The following BCAT1 variants were observed in gnomAD, a reference collection of about 807,000 sequenced individuals.
BCAT1 encodes the protein branched-chain-amino-acid aminotransferase, cytosolic.
In BCAT1, 48 loss-of-function variants were observed where a neutral mutation model predicts 52.4. The observed-to-expected ratio is 0.92, with a 90% CI of 0.73 to 1.16. The LOEUF (loss-of-function observed/expected upper bound fraction) is 1.16, where lower values mean the gene tolerates loss of function less well. Among genes scored for constraint, BCAT1 ranks in the 50% most tolerant of loss-of-function variants. The probability of loss-of-function intolerance (pLI) is 0.00; values close to 1 mark genes in which losing one functional copy is unlikely to be tolerated. For synonymous variants in BCAT1, 167 were observed against 161.3 expected (o/e 1.04, Z -0.27); for missense variants, 451 against 457.1 (o/e 0.99, Z 0.12).
chr12:24,855,051 T>C (rs565488653), intron 5 of BCAT1, among the ~76,000 whole-genome samples: 1 of 152,250 alleles, frequency 6.6e-6, no homozygotes, highest in South Asian at 2.1e-4. Context: ...GTCATCCTGC[T>C]AGCCTTGAGA....
intron 6 of BCAT1, among the ~76,000 whole-genome samples, chr12:24,845,752 G>GT (rs1426278106): frequency 6.6e-6 from 1 of 152,146 alleles, no homozygotes; most frequent in Non-Finnish European, 1.5e-5. Flanking sequence ...ATGAAATTAA[G>GT]TTTTTTAAAA....
intron 1 of BCAT1, chr12:24,945,941 C>T (rs1005409962): frequency 6.6e-6 from 1 of 152,216 alleles, no homozygotes; most frequent in African/African-American, 2.4e-5. Context: ...ACCAAACCTT[C>T]CTGAGCATAA....
intron 5 of BCAT1, among the ~76,000 whole-genome samples, chr12:24,863,033 T>A (rs1941894131): frequency 6.6e-6 from 1 of 152,214 alleles, no homozygotes; most frequent in African/African-American, 2.4e-5. Context: ...AAATCCAGGT[T>A]TATTTGCCAG....
chr12:24,903,299 G>T, intron 1 of BCAT1: 1 of 370,990 alleles, frequency 2.7e-6, no homozygotes, highest in Non-Finnish European at 4.6e-6. Context: ...CTTTCCAAGC[G>T]CAGATATTTC....
rs149670891 is a variant in BCAT1, at chr12:24,817,425, C to T, written c.*583G>A. The T allele has an allele frequency of 6.5e-6, 1 of 153,496 alleles. No homozygotes were observed. The highest frequency in any genetic ancestry group is 1.9e-4 in the East Asian group (1 of 5,200). The allele number at this position is 153,496 out of a possible 1,614,324, so 9.5% of individuals were successfully genotyped here. On this transcript the variant is annotated 3_prime_UTR_variant, in exon 11 of 11. Coordinates refer to ENST00000261192, the MANE Select transcript of BCAT1 (RefSeq NM_005504.7). ...ATGGTGGGAAATGCACTCAGGTCTT[C>T]CTAATGCACAGAGTATGCTCAGGCT... is the stretch of plus-strand genomic sequence containing the variant.
intron 1 of BCAT1, among the ~76,000 whole-genome samples, chr12:24,908,082 A>G (rs1422178920): frequency 6.6e-6 from 1 of 152,200 alleles, no homozygotes; most frequent in African/African-American, 2.4e-5. Flanking sequence ...TAACTGCCAA[A>G]GTTTAGAATA....
intron 1 of BCAT1, among the ~76,000 whole-genome samples, chr12:24,908,257 T>C (rs1226179227): frequency 1.3e-5 from 2 of 152,202 alleles, no homozygotes; most frequent in Non-Finnish European, 1.5e-5. Context: ...AAGGACTTTA[T>C]ATGCATTGTG....
intron 1 of BCAT1, among the ~76,000 whole-genome samples, chr12:24,913,580 G>C (rs1473395130): frequency 6.6e-6 from 1 of 152,186 alleles, no homozygotes; most frequent in Non-Finnish European, 1.5e-5. Context: ...CCATGAGCTG[G>C]GGATGACTCA....
chr12:24,853,688 C>T (rs1044409674), intron 5 of BCAT1, among the ~76,000 whole-genome samples: 4 of 151,990 alleles, frequency 2.6e-5, no homozygotes, highest in East Asian at 1.9e-4. Context: ...CAAAATCCCA[C>T]GATGATAAGT....
intron 6 of BCAT1, among the ~76,000 whole-genome samples, chr12:24,847,631 G>A (rs1941387239): frequency 6.6e-6 from 1 of 152,164 alleles, no homozygotes; most frequent in Non-Finnish European, 1.5e-5. Context: ...GAGAGAGAGA[G>A]TGACAGAAAG....
At chr12:24,915,773 G>A (rs182429711) in intron 1 of BCAT1, among the ~76,000 whole-genome samples, 2 of 152,294 alleles carry the variant, frequency 1.3e-5, no homozygotes, top group East Asian at 1.9e-4. Context: ...TAAAACAGAC[G>A]ATATTTAAAT....
At chr12:24,870,187 C>T (rs1667212185) in intron 5 of BCAT1, among the ~76,000 whole-genome samples, 1 of 151,906 alleles carries the variant, frequency 6.6e-6, no homozygotes, top group African/African-American at 2.4e-5. Context: ...AATTTCTCTG[C>T]CAAAATGAAA....
At position 24,834,197 on chromosome 12, in the gene BCAT1, T is replaced by C. The variant is rs1940824189; in HGVS notation, c.904-1334A>G. 4 of 977,408 alleles carry C rather than the reference T, an allele frequency of 4.1e-6. No individual in the cohort carries two copies. In the African/African-American group the frequency reaches 7.0e-5, roughly 17 times the overall value. 60.5% of individuals were successfully genotyped at this position (977,408 alleles called of 1,614,324 possible). A position where few individuals can be genotyped will look rare whatever the true frequency, so the allele number is the denominator to read the frequency against. On this transcript the variant is annotated intron_variant, in intron 8 of 10. Transcript: ENST00000261192. The stretch of plus-strand genomic sequence containing the variant: ...TGAAATACTCATTATTTTTAAACGT[T>C]GAATGTATATTTGGACTTTATTTGA...
At chr12:24,845,810 G>T (rs886211765) in intron 6 of BCAT1, among the ~76,000 whole-genome samples, 7 of 152,126 alleles carry the variant, frequency 4.6e-5, no homozygotes, top group African/African-American at 1.7e-4. Context: ...TAATCCCAGT[G>T]ACTCAGGACA....
intron 1 of BCAT1, among the ~76,000 whole-genome samples, chr12:24,942,141 T>C (rs1467886712): frequency 6.6e-6 from 1 of 152,048 alleles, no homozygotes; most frequent in Non-Finnish European, 1.5e-5. Flanking sequence ...CGAGAAGTAA[T>C]GAGAGCATAA....
At chr12:24,881,255 C>A (rs1347202379) in intron 4 of BCAT1, 46 bp downstream of exon 4, 2 of 1,367,428 alleles carry the variant, frequency 1.5e-6, no homozygotes, top group Non-Finnish European at 2.1e-6. Flanking sequence ...ACACCGTGAC[C>A]CGTTACATTA....
chr12:24,842,312 T>A, intron 6 of BCAT1, 88 bp from the exon 7 acceptor site: 3 of 1,438,960 alleles, frequency 2.1e-6, no homozygotes, highest in Non-Finnish European at 2.9e-6. Flanking sequence ...AAGCTCTTAA[T>A]TCACATGTGG....
chr12:24,916,513 C>CT (rs36067986), intron 1 of BCAT1, among the ~76,000 whole-genome samples: 98,346 of 151,960 alleles, frequency 0.65, 36,105 homozygotes, highest in Non-Finnish European at 0.84. Flanking sequence ...AAAATAAGCT[C>CT]TTTTTTTGTT....
intron 1 of BCAT1, among the ~76,000 whole-genome samples, chr12:24,907,977 A>T (rs1465060397): frequency 6.6e-6 from 1 of 152,076 alleles, no homozygotes; most frequent in African/African-American, 2.4e-5. Context: ...ATCCCACCTC[A>T]CCCAGTGCCG....
Sources: gnomAD v4.1 joint callset for allele counts (sites outside exome capture counted in the v4.1 genomes callset) on GRCh38, gnomAD v4.1.1 for gene constraint, MANE v1.5 for transcripts, NCBI Gene and HGNC (gene_info 2026-07-23, HGNC 2026-07-21) for gene names.